SPAG16: variants seen among roughly 807,000 people sequenced by gnomAD.
The protein encoded by SPAG16 is sperm associated antigen 16.
A neutral mutation model predicts 80.4 loss-of-function variants in SPAG16; 86 were observed. The ratio of observed to expected loss-of-function variants is 1.07; its 90% confidence interval spans 0.90 to 1.28. The LOEUF (loss-of-function observed/expected upper bound fraction) is 1.28. Among genes scored for constraint, SPAG16 ranks in the 50% most tolerant of loss-of-function variants. SPAG16 has a pLI of 0.00. For missense variants in SPAG16, 870 were observed against 765.3 expected (o/e 1.14, Z -1.61); for synonymous variants, 294 against 265.9 (o/e 1.11, Z -1.03).
chr2:213,950,532 A>G (rs1329979678), intron 12 of SPAG16, among the ~76,000 whole-genome samples: 1 of 152,102 alleles, frequency 6.6e-6, no homozygotes, highest in Non-Finnish European at 1.5e-5. Context: ...GGGGCATTGT[A>G]CTAACATCAG....
At chr2:213,858,048 C>T (rs1221434515) in intron 10 of SPAG16, among the ~76,000 whole-genome samples, 2 of 152,162 alleles carry the variant, frequency 1.3e-5, no homozygotes, top group South Asian at 2.1e-4. Flanking sequence ...AGAGTTGCTT[C>T]TTATTGATGA....
At chr2:213,406,142 T>C (rs556111181) in intron 9 of SPAG16, among the ~76,000 whole-genome samples, 1 of 152,322 alleles carries the variant, frequency 6.6e-6, no homozygotes, top group Admixed American at 6.5e-5. Flanking sequence ...AGTTTCCTGT[T>C]TTCCAGAATT....
intron 15 of SPAG16, among the ~76,000 whole-genome samples, chr2:214,275,454 A>C (rs1559174055): frequency 6.6e-6 from 1 of 152,112 alleles, no homozygotes; most frequent in Non-Finnish European, 1.5e-5. Context: ...CCCTCTACAC[A>C]CTGCTTTAAA....
chr2:213,788,472 T>C (rs1161652729), intron 10 of SPAG16, among the ~76,000 whole-genome samples: 1 of 151,980 alleles, frequency 6.6e-6, no homozygotes, highest in Non-Finnish European at 1.5e-5. Flanking sequence ...TGGTAGTGTT[T>C]ATCTCTACTT....
At chr2:213,960,955 G>A (rs943243430) in intron 12 of SPAG16, among the ~76,000 whole-genome samples, 4 of 152,118 alleles carry the variant, frequency 2.6e-5, no homozygotes, top group African/African-American at 4.8e-5. Flanking sequence ...TGGGGAATAC[G>A]CTTCTTTTTT....
intron 9 of SPAG16, among the ~76,000 whole-genome samples, chr2:213,384,774 C>T (rs988067046): frequency 2.6e-5 from 4 of 152,192 alleles, no homozygotes; most frequent in Admixed American, 2.6e-4. Flanking sequence ...TCCTGATCAT[C>T]CATCCTGTTT....
At chr2:214,075,980 A>G (rs2051054844) in intron 13 of SPAG16, among the ~76,000 whole-genome samples, 1 of 152,176 alleles carries the variant, frequency 6.6e-6, no homozygotes. Flanking sequence ...CCTTATATGG[A>G]ATCAAAAACT....
At chr2:213,305,357 TG>T (rs2062898710) in intron 3 of SPAG16, among the ~76,000 whole-genome samples, 2 of 152,140 alleles carry the variant, frequency 1.3e-5, no homozygotes, top group African/African-American at 4.8e-5. Context: ...TTCCTTCCCT[TG>T]TCAGATTGCT....
At chr2:213,509,591 T>C (rs1468797343) in intron 10 of SPAG16, among the ~76,000 whole-genome samples, 2 of 152,006 alleles carry the variant, frequency 1.3e-5, no homozygotes, top group South Asian at 2.1e-4. Context: ...TGGTATGCCG[T>C]TGGAATAAAG....
chr2:213,943,544 A>T (rs2079304465), intron 12 of SPAG16, among the ~76,000 whole-genome samples: 1 of 152,168 alleles, frequency 6.6e-6, no homozygotes, highest in Non-Finnish European at 1.5e-5. Context: ...AACCTGGGTG[A>T]ATTGTATTCA....
chr2:214,108,146 T>C (rs544251239), intron 13 of SPAG16, 50 bp from the exon 14 acceptor site: 2 of 1,417,874 alleles, frequency 1.4e-6, no homozygotes, highest in African/African-American at 1.4e-5. Flanking sequence ...AATTCCTTTT[T>C]ACGTTCCAAA....
intron 11 of SPAG16, among the ~76,000 whole-genome samples, chr2:213,922,756 T>G (rs958947497): frequency 2.6e-5 from 4 of 152,088 alleles, no homozygotes; most frequent in Non-Finnish European, 5.9e-5. Context: ...TATAATTGAG[T>G]TTGGTTGACT....
intron 10 of SPAG16, among the ~76,000 whole-genome samples, chr2:213,851,150 A>G (rs2074884004): frequency 6.6e-6 from 1 of 152,172 alleles, no homozygotes; most frequent in Admixed American, 6.5e-5. Flanking sequence ...GTTGTGTGGA[A>G]AGTTTTACAT....
intron 15 of SPAG16, among the ~76,000 whole-genome samples, chr2:214,290,781 C>T (rs550808331): frequency 1.8e-4 from 28 of 152,258 alleles, no homozygotes; most frequent in African/African-American, 6.7e-4. Flanking sequence ...TTTGTTAAGA[C>T]TTATTTTGTG....
At chr2:213,825,070 T>C (rs1428294452) in intron 10 of SPAG16, among the ~76,000 whole-genome samples, 1 of 152,172 alleles carries the variant, frequency 6.6e-6, no homozygotes, top group Non-Finnish European at 1.5e-5. Context: ...GATTTTTGCC[T>C]GTTGATTTTG....
At chr2:214,086,490 C>T (rs1328988874) in intron 13 of SPAG16, among the ~76,000 whole-genome samples, 2 of 151,982 alleles carry the variant, frequency 1.3e-5, no homozygotes, top group Non-Finnish European at 2.9e-5. Context: ...TGGAGGCAGT[C>T]CCCCTGTGCT....
At chr2:213,599,568 G>A (rs2060991643) in intron 10 of SPAG16, among the ~76,000 whole-genome samples, 1 of 152,082 alleles carries the variant, frequency 6.6e-6, no homozygotes, top group Non-Finnish European at 1.5e-5. Flanking sequence ...TTTCTATAGA[G>A]CTTACTTTAT....
chr2:214,384,941 A>G (rs1700663373), intron 15 of SPAG16, among the ~76,000 whole-genome samples: 1 of 152,194 alleles, frequency 6.6e-6, no homozygotes, highest in Admixed American at 6.5e-5. Context: ...TCTCCTTTCC[A>G]TATTCACTGT....
At chr2:213,357,299 C>T (rs2065712468) in intron 7 of SPAG16, among the ~76,000 whole-genome samples, 1 of 152,052 alleles carries the variant, frequency 6.6e-6, no homozygotes, top group Admixed American at 6.6e-5. Flanking sequence ...GAGTTGAAGT[C>T]CTGGATATCC....
Sources: gnomAD v4.1 joint callset for allele counts (sites outside exome capture counted in the v4.1 genomes callset) on GRCh38, gnomAD v4.1.1 for gene constraint, MANE v1.5 for transcripts, NCBI Gene and HGNC (gene_info 2026-07-23, HGNC 2026-07-21) for gene names.